DLGAP2: variants seen among roughly 807,000 people sequenced by gnomAD.
The protein encoded by DLGAP2 is disks large-associated protein 2.
A neutral mutation model predicts 100.3 loss-of-function variants in DLGAP2; 26 were observed. The ratio of observed to expected loss-of-function variants is 0.26; its 90% CI spans 0.19 to 0.36. The LOEUF (loss-of-function observed/expected upper bound fraction) is 0.36. Ranked by LOEUF, DLGAP2 falls within the 10% of genes least tolerant of loss-of-function variation. The pLI is 1.00. For synonymous variants in DLGAP2, 886 were observed against 630.1 expected, an observed-to-expected ratio of 1.41 and a Z score of -6.08; for missense variants, 1,858 against 1,453.2, an observed-to-expected ratio of 1.28 and a Z score of -4.53.
chr8:1,447,366 C>G (rs1325217257), intron 3 of DLGAP2, among the ~76,000 whole-genome samples: 1 of 152,122 alleles, frequency 6.6e-6, no homozygotes, highest in Admixed American at 6.5e-5. Context: ...GTCTTTGGTT[C>G]TGTTTATATG....
intron 3 of DLGAP2, among the ~76,000 whole-genome samples, chr8:1,436,949 G>A (rs970821457): frequency 6.6e-6 from 1 of 152,270 alleles, no homozygotes; most frequent in African/African-American, 2.4e-5. Flanking sequence ...GCAGTCACAC[G>A]CTGTGCAGGT....
chr8:1,575,689 A>G (rs975458038), intron 6 of DLGAP2, among the ~76,000 whole-genome samples: 10 of 134,448 alleles, frequency 7.4e-5, no homozygotes, highest in African/African-American at 1.7e-4. Flanking sequence ...TCATTGTTCA[A>G]TTCCCACCTA....
At chr8:974,850 G>A (rs972145711) in intron 2 of DLGAP2, among the ~76,000 whole-genome samples, 1 of 151,996 alleles carries the variant, frequency 6.6e-6, no homozygotes, top group African/African-American at 2.4e-5. Context: ...CTAGAGAAGA[G>A]CAAATTAAAT....
At chr8:1,307,922 G>C (rs1426282090) in intron 3 of DLGAP2, among the ~76,000 whole-genome samples, 1 of 149,624 alleles carries the variant, frequency 6.7e-6, no homozygotes, top group Non-Finnish European at 1.5e-5. Flanking sequence ...ATGAGGAAAA[G>C]GACGCATTTT....
chr8:1,052,511 T>TA (rs1802748955), intron 2 of DLGAP2, among the ~76,000 whole-genome samples: 2 of 152,152 alleles, frequency 1.3e-5, no homozygotes, highest in African/African-American at 4.8e-5. Context: ...TTGGAGGAGT[T>TA]ACTATATTCC....
At chr8:1,482,810 G>A (rs542069139) in intron 3 of DLGAP2, among the ~76,000 whole-genome samples, 2 of 152,266 alleles carry the variant, frequency 1.3e-5, no homozygotes, top group Non-Finnish European at 2.9e-5. Flanking sequence ...GATGGGCGTG[G>A]GACCCTCGTT....
In DLGAP2 at chr8:1,004,600, C is replaced by A; in HGVS notation, c.73+96634C>A. On this transcript the variant is annotated intron_variant, in intron 2 of 14. Coordinates refer to ENST00000637795, the MANE Select transcript of DLGAP2 (RefSeq NM_001346810.2). ...TCCTGTATAGTGCCTGTGAAGGGAT[C>A]GGATTGTGTCCACAGCTCGCACACT... 2.0e-5 allele frequency among the ~76,000 whole-genome samples: 3 copies of A among 152,268 alleles called. No homozygotes were observed. The Middle Eastern group carries it at 0.01, about 518-fold the overall frequency.
At chr8:944,016 C>CT (rs1799256231) in intron 2 of DLGAP2, among the ~76,000 whole-genome samples, 1 of 152,230 alleles carries the variant, frequency 6.6e-6, no homozygotes, top group South Asian at 2.1e-4. Context: ...CATAACACAG[C>CT]TTTGTTTTCA....
chr8:1,547,762 A>C (rs1354780241), intron 4 of DLGAP2, among the ~76,000 whole-genome samples: 2 of 152,178 alleles, frequency 1.3e-5, no homozygotes, highest in African/African-American at 4.8e-5. Flanking sequence ...AGGCCGCAGA[A>C]GGACACAGGG....
At chr8:1,479,777 G>A (rs545874930) in intron 3 of DLGAP2, among the ~76,000 whole-genome samples, 1 of 152,328 alleles carries the variant, frequency 6.6e-6, no homozygotes, top group Admixed American at 6.5e-5. Flanking sequence ...CAAGCTGGCT[G>A]TTAATTTTTG....
At chr8:950,097 C>G (rs906564634) in intron 2 of DLGAP2, among the ~76,000 whole-genome samples, 17 of 152,126 alleles carry the variant, frequency 1.1e-4, no homozygotes, top group African/African-American at 4.1e-4. Context: ...GCCTTGGTGC[C>G]GCGGGGCTCA....
chr8:1,659,659 T>G (rs1439614506), intron 8 of DLGAP2, among the ~76,000 whole-genome samples: 1 of 152,154 alleles, frequency 6.6e-6, no homozygotes, highest in Non-Finnish European at 1.5e-5. Context: ...AGAGTAGGAG[T>G]GCAACTCCTG....
At chr8:1,664,073 C>G (rs933470852) in intron 8 of DLGAP2, among the ~76,000 whole-genome samples, 1 of 152,172 alleles carries the variant, frequency 6.6e-6, no homozygotes, top group African/African-American at 2.4e-5. Flanking sequence ...ATACCAAACC[C>G]TCCTCCACCA....
chr8:948,099 C>T (rs1157688281), intron 2 of DLGAP2, among the ~76,000 whole-genome samples: 1 of 148,568 alleles, frequency 6.7e-6, no homozygotes, highest in African/African-American at 2.5e-5. Context: ...CCCGCGTGCG[C>T]CATGGTTCCA....
chr8:1,494,074 A>C (rs1212840678), intron 3 of DLGAP2, among the ~76,000 whole-genome samples: 2 of 152,180 alleles, frequency 1.3e-5, no homozygotes, highest in African/African-American at 4.8e-5. Flanking sequence ...CCATAAACAC[A>C]TAACAAACAC....
At chr8:1,227,582 C>T (rs545577905) in intron 2 of DLGAP2, among the ~76,000 whole-genome samples, 61 of 152,116 alleles carry the variant, frequency 4.0e-4, no homozygotes, top group African/African-American at 1.4e-3. Flanking sequence ...CAAACTCCAC[C>T]TCCCAGGTTC....
chr8:1,652,942 C>T (rs1180522162), intron 8 of DLGAP2, among the ~76,000 whole-genome samples: 1 of 152,190 alleles, frequency 6.6e-6, no homozygotes, highest in Admixed American at 6.5e-5. Flanking sequence ...CCAGCCTCTC[C>T]GGTCCATATG....
intron 6 of DLGAP2, among the ~76,000 whole-genome samples, chr8:1,615,523 C>T (rs964755561): frequency 6.6e-6 from 1 of 152,082 alleles, no homozygotes; most frequent in Non-Finnish European, 1.5e-5. Context: ...ATTGTAAGGT[C>T]TTATGAATGA....
At chr8:1,330,697 G>A (rs1336879547) in intron 3 of DLGAP2, among the ~76,000 whole-genome samples, 1 of 146,124 alleles carries the variant, frequency 6.8e-6, no homozygotes, top group Non-Finnish European at 1.5e-5. Context: ...TGAGTTCTGG[G>A]TGGGATTGAG....
Sources: gnomAD v4.1 joint callset for allele counts (sites outside exome capture counted in the v4.1 genomes callset) on GRCh38, gnomAD v4.1.1 for gene constraint, MANE v1.5 for transcripts, NCBI Gene and HGNC (gene_info 2026-07-23, HGNC 2026-07-21) for gene names.